COL14A1: variants seen among roughly 807,000 people sequenced by gnomAD.
COL14A1 encodes collagen type XIV alpha 1 chain.
Under a neutral mutation model 230.3 loss-of-function variants are expected in COL14A1, and 136 were observed. The ratio of observed to expected loss-of-function variants is 0.59; its 90% CI spans 0.51 to 0.68. The LOEUF (loss-of-function observed/expected upper bound fraction) is 0.68. Among genes scored for constraint, COL14A1 ranks in the 30% least tolerant of loss-of-function variants. The probability of loss-of-function intolerance (pLI) is 0.00; values close to 1 mark genes in which losing one functional copy is unlikely to be tolerated. For missense variants in COL14A1, 1,976 were observed against 2,215.8 expected (o/e 0.89, Z 2.17); for synonymous variants, 792 against 784.1 (o/e 1.01, Z -0.17).
At chr8:120,126,835 G>C (rs538312838) in intron 1 of COL14A1, among the ~76,000 whole-genome samples, 4 of 152,308 alleles carry the variant, frequency 2.6e-5, no homozygotes, top group African/African-American at 9.6e-5. Flanking sequence ...GTGAATATTT[G>C]GTTTTTCAGA....
intron 4 of COL14A1, among the ~76,000 whole-genome samples, chr8:120,164,857 T>G (rs1323372880): frequency 6.6e-6 from 1 of 152,186 alleles, no homozygotes; most frequent in African/African-American, 2.4e-5. Flanking sequence ...GAGAAAAGAT[T>G]CATCTTTCTC....
chr8:120,189,917 C>T (rs1816764242), intron 5 of COL14A1, among the ~76,000 whole-genome samples: 1 of 151,828 alleles, frequency 6.6e-6, no homozygotes, highest in African/African-American at 2.4e-5. Flanking sequence ...CAAGTCTTTG[C>T]TATCGTGAAT....
chr8:120,239,109 C>T (rs1199914428), intron 19 of COL14A1, among the ~76,000 whole-genome samples: 1 of 152,202 alleles, frequency 6.6e-6, no homozygotes, highest in Non-Finnish European at 1.5e-5. Flanking sequence ...GCCTGGTACA[C>T]TTTTAATCAT....
chr8:120,261,617 T>TA (rs1350988447), intron 23 of COL14A1, among the ~76,000 whole-genome samples: 2 of 152,152 alleles, frequency 1.3e-5, no homozygotes, highest in African/African-American at 4.8e-5. Context: ...AGCCAATAGT[T>TA]AGTCAGGTCT....
At chr8:120,342,566 C>A in intron 44 of COL14A1, 120 bp downstream of exon 44, 2 of 909,354 alleles carry the variant, frequency 2.2e-6, no homozygotes, top group South Asian at 1.5e-5. Flanking sequence ...TGTGCAGACA[C>A]ATAAGCTTTA....
At chr8:120,235,030 G>A (rs1818393240) in intron 19 of COL14A1, among the ~76,000 whole-genome samples, 1 of 152,076 alleles carries the variant, frequency 6.6e-6, no homozygotes, top group Non-Finnish European at 1.5e-5. Flanking sequence ...CTTCTTCCTG[G>A]TTTAGTCTTG....
intron 40 of COL14A1, among the ~76,000 whole-genome samples, chr8:120,328,754 A>G (rs1294934635): frequency 6.6e-6 from 1 of 152,168 alleles, no homozygotes; most frequent in Non-Finnish European, 1.5e-5. Flanking sequence ...GAGAGGGGAT[A>G]AATGTGTTAT....
intron 40 of COL14A1, 101 bp from the exon 41 acceptor site, chr8:120,332,040 A>G: frequency 1.0e-6 from 1 of 969,354 alleles, no homozygotes. Context: ...CAGAGCAAGC[A>G]GCAGGACTTG....
At chr8:120,209,414 G>A (rs141832611) in intron 11 of COL14A1, among the ~76,000 whole-genome samples, 36 of 151,976 alleles carry the variant, frequency 2.4e-4, no homozygotes, top group Non-Finnish European at 4.4e-4. Flanking sequence ...TAGGGGGTGG[G>A]GACGCAATCC....
chr8:120,193,439 G>A lies in COL14A1; in HGVS notation c.437-3352G>A, dbSNP rs192830834. Reference sequence around the variant, plus strand: ...CTCAGAGGAGTAACAGGCCATGTGAGGTGTCAGTCTGCCCCTACTGGGCGG... The same window carrying A: ...CTCAGAGGAGTAACAGGCCATGTGAAGTGTCAGTCTGCCCCTACTGGGCGG... On this transcript the variant is annotated intron_variant, in intron 5 of 47. Coordinates refer to ENST00000297848, the MANE Select transcript of COL14A1 (RefSeq NM_021110.4). Among the ~76,000 whole-genome samples, 15 of 152,284 alleles carry A rather than the reference G, an allele frequency of 9.9e-5. 1 individual carries two copies. In the East Asian group the frequency reaches 2.9e-3, roughly 29 times the overall value.
At position 120,267,058 on chromosome 8, in the gene COL14A1, T is replaced by C. The variant is rs149201954; in HGVS notation, c.3073+175T>C. ...GGGCTTGAATGATATCCATTTAATA[T>C]CAATTCTGCACACAAAGAGTGGATT... On this transcript the variant is annotated intron_variant, in intron 25 of 47. Coordinates refer to ENST00000297848, the MANE Select transcript of COL14A1 (RefSeq NM_021110.4). 3.9e-4 allele frequency: 230 copies of C among 585,724 alleles called. 1 individual carries two copies. Among genetic ancestry groups the C allele is most frequent in the African/African-American group, 3.8e-3 (202 of 52,828 alleles). 36.3% of individuals were successfully genotyped at this position (585,724 alleles called of 1,614,324 possible).
chr8:120,366,987 A>C (rs1823424170), intron 45 of COL14A1, among the ~76,000 whole-genome samples, 184 bp from the exon 46 acceptor site: 1 of 152,136 alleles, frequency 6.6e-6, no homozygotes, highest in Non-Finnish European at 1.5e-5. Context: ...AGACTTCAAC[A>C]TGTGATTCTA....
rs1820112003 is a variant in COL14A1 at position 120,283,775 on chromosome 8, G to A, written c.3964G>A (p.Asp1322Asn). 1 of 1,608,616 alleles carries A rather than the reference G, an allele frequency of 6.2e-7. No individual in the cohort carries two copies. The highest frequency in any genetic ancestry group is 8.5e-7 in the Non-Finnish European group (1 of 1,178,296). ...NSDPLVGVILDNGGKTLTYFN... is the reference protein window; with the variant it reads ...NSDPLVGVILNNGGKTLTYFN... ...TGACCCATTGGTTGGGGTTATTTTA[G>A]ACAGTAAGTATATTTATTGAGATCA... Residue 1322 changes from aspartate to asparagine, a missense_variant, in exon 32 of 48, where the codon GAC (aspartate) becomes AAC (asparagine). Coordinates refer to ENST00000297848, the MANE Select transcript of COL14A1 (RefSeq NM_021110.4).
intron 4 of COL14A1, among the ~76,000 whole-genome samples, chr8:120,166,243 G>C (rs1815868228): frequency 6.6e-6 from 1 of 152,186 alleles, no homozygotes. Flanking sequence ...CAGATATCTG[G>C]ATTAACCACA....
Position 120,283,658 on chromosome 8 carries a change from C to T in COL14A1, c.3847C>T (p.Pro1283Ser), listed in dbSNP as rs1168553638. ...PTRYLHPEGL[P>S]SDYTISFLFR... is the part of the protein sequence containing the mutation. ...CAGGTACTTGCACCCAGAAGGATTGCCCTCCGACTACACAATCAGTTTTCT... is the reference window on the plus strand; with the variant it reads ...CAGGTACTTGCACCCAGAAGGATTGTCCTCCGACTACACAATCAGTTTTCT... The change falls in exon 32 of 48, where the codon CCC becomes TCC. Residue 1283 changes from proline to serine, a missense_variant. By Grantham distance (74) the Pro-to-Ser change is moderately conservative. Coordinates refer to ENST00000297848, the MANE Select transcript of COL14A1 (RefSeq NM_021110.4). The T allele has an allele frequency of 2.5e-6, 4 of 1,612,338 alleles. No individual in the cohort carries two copies. The highest frequency in any genetic ancestry group is 3.4e-6 in the Non-Finnish European group (4 of 1,179,466).
chr8:120,350,280 T>A (rs1172350992), intron 45 of COL14A1, among the ~76,000 whole-genome samples: 1 of 151,094 alleles, frequency 6.6e-6, no homozygotes, highest in East Asian at 1.9e-4. Context: ...CGCTGCAAAA[T>A]CATGCCAAAA....
chr8:120,281,113 G>C (rs1820024972), intron 31 of COL14A1, 54 bp downstream of exon 31: 4 of 1,512,814 alleles, frequency 2.6e-6, no homozygotes, highest in Non-Finnish European at 3.6e-6. Context: ...ATATCTCACT[G>C]TGAAAATGAT....
At chr8:120,354,496 A>G (rs184722860) in intron 45 of COL14A1, among the ~76,000 whole-genome samples, 2 of 152,100 alleles carry the variant, frequency 1.3e-5, no homozygotes, top group East Asian at 3.8e-4. Context: ...AGAGAGCAGA[A>G]GAAAAATTAT....
chr8:120,284,120 G>T (rs1211227908), intron 32 of COL14A1, among the ~76,000 whole-genome samples: 6 of 152,106 alleles, frequency 3.9e-5, no homozygotes. Context: ...TCATTTTTTG[G>T]ACATAGACAT....
Sources: gnomAD v4.1 joint callset for allele counts (sites outside exome capture counted in the v4.1 genomes callset) on GRCh38, gnomAD v4.1.1 for gene constraint, MANE v1.5 for transcripts, NCBI Gene and HGNC (gene_info 2026-07-23, HGNC 2026-07-21) for gene names.